RNF217: variants seen among roughly 807,000 people sequenced by gnomAD.
RNF217 encodes ring finger protein 217, also known as E3 ubiquitin-protein ligase RNF217.
In RNF217, 31 loss-of-function variants were observed where a neutral mutation model predicts 57.8. The observed-to-expected ratio is 0.54, with a 90% CI of 0.40 to 0.72. The LOEUF (loss-of-function observed/expected upper bound fraction) is 0.72. Among genes scored for constraint, RNF217 ranks in the 30% least tolerant of loss-of-function variants. RNF217 has a pLI of 0.00. For synonymous variants in RNF217, 313 were observed against 294.0 expected (o/e 1.06, Z -0.66); for missense variants, 696 against 708.3 (o/e 0.98, Z 0.20).
chr6:125,024,825 A>G (rs762365467), intron 1 of RNF217, among the ~76,000 whole-genome samples: 1 of 152,104 alleles, frequency 6.6e-6, no homozygotes, highest in Non-Finnish European at 1.5e-5. Context: ...GAAGACATCA[A>G]GTAGGGAATT....
At chr6:124,975,277 A>G (rs560229303) in intron 1 of RNF217, among the ~76,000 whole-genome samples, 18 of 152,370 alleles carry the variant, frequency 1.2e-4, no homozygotes, top group African/African-American at 4.1e-4. Flanking sequence ...AGCAGGAAAA[A>G]TGAAACAATT....
intron 1 of RNF217, among the ~76,000 whole-genome samples, chr6:125,035,894 T>C (rs1233716804): frequency 6.6e-6 from 1 of 151,898 alleles, no homozygotes; most frequent in Non-Finnish European, 1.5e-5. Flanking sequence ...AGTTTTTTTT[T>C]TCAATTTTAC....
intron 5 of RNF217, 27 bp downstream of exon 5, chr6:125,081,534 T>C (rs1406174350): frequency 1.3e-6 from 2 of 1,565,668 alleles, no homozygotes; most frequent in Non-Finnish European, 1.8e-6. Context: ...GCATCTGAGA[T>C]TAGAATTATC....
chr6:124,988,044 G>A (rs1461624209), intron 1 of RNF217, among the ~76,000 whole-genome samples: 2 of 152,144 alleles, frequency 1.3e-5, no homozygotes, highest in Non-Finnish European at 2.9e-5. Flanking sequence ...GGGTGAGCGA[G>A]CATTACCACC....
At chr6:125,054,768 C>T (rs910138212) in intron 2 of RNF217, among the ~76,000 whole-genome samples, 2 of 152,120 alleles carry the variant, frequency 1.3e-5, no homozygotes, top group African/African-American at 4.8e-5. Context: ...AAATCACCTT[C>T]GGACCTTGTG....
rs1423818615 is a variant in RNF217, at chr6:124,962,793, A to G, written c.249A>G (p.Ala83=). The G allele has an allele frequency of 1.3e-6, 2 of 1,597,040 alleles. No individual in the cohort carries two copies. Among genetic ancestry groups the G allele is most frequent in the South Asian group, 2.2e-5 (2 of 91,024 alleles). Residue 83 remains alanine, a synonymous_variant, in exon 1 of 6, where the codon GCA becomes GCG. Coordinates refer to ENST00000521654, the MANE Select transcript of RNF217 (RefSeq NM_001286398.3). The surrounding 1 kb of genome is among the most constrained non-coding windows in gnomAD (Gnocchi z 4.6). ...CCCCGGGCTGGAGTAAGAGCCGAGC[A>G]CCGGCGCAGCCTGCGGGACTGGCAC... ...LGPPGWSKSR[A]PAQPAGLALT...
At chr6:124,976,191 T>C (rs927528951) in intron 1 of RNF217, among the ~76,000 whole-genome samples, 1 of 152,174 alleles carries the variant, frequency 6.6e-6, no homozygotes, top group Non-Finnish European at 1.5e-5. Context: ...TTTACAAATC[T>C]AAGCCTAGTC....
chr6:125,056,599 T>C (rs1475674795), intron 2 of RNF217, among the ~76,000 whole-genome samples: 1 of 152,176 alleles, frequency 6.6e-6, no homozygotes, highest in African/African-American at 2.4e-5. Flanking sequence ...CTCAGCTAAT[T>C]AGTCTATATA....
chr6:125,023,930 A>G (rs1042149816), intron 1 of RNF217, among the ~76,000 whole-genome samples: 1 of 152,136 alleles, frequency 6.6e-6, no homozygotes, highest in African/African-American at 2.4e-5. Context: ...GCATGGGGGG[A>G]AAAGGACTAA....
At chr6:125,012,064 G>A (rs56411912) in intron 1 of RNF217, among the ~76,000 whole-genome samples, 12,012 of 152,040 alleles carry the variant, frequency 0.079, 1,640 homozygotes, top group African/African-American at 0.28. Context: ...TAGATTAAAT[G>A]AAAGAGATAG....
intron 1 of RNF217, among the ~76,000 whole-genome samples, chr6:125,003,354 A>C (rs906067156): frequency 1.3e-5 from 2 of 152,112 alleles, no homozygotes; most frequent in Non-Finnish European, 2.9e-5. Context: ...AAATCCCAGC[A>C]CTGCTGGTTT....
chr6:125,057,833 T>G, intron 2 of RNF217, 109 bp from the exon 3 acceptor site: 1 of 812,894 alleles, frequency 1.2e-6, no homozygotes, highest in South Asian at 2.2e-5. Flanking sequence ...GAGGGGGAGG[T>G]ATTTTAAATT....
At chr6:125,021,281 T>G (rs1347336169) in intron 1 of RNF217, among the ~76,000 whole-genome samples, 1 of 151,794 alleles carries the variant, frequency 6.6e-6, no homozygotes, top group Non-Finnish European at 1.5e-5. Flanking sequence ...TTTTTTTTTT[T>G]TTTGAGACGG....
chr6:125,065,134 A>C (rs559698776), intron 3 of RNF217, among the ~76,000 whole-genome samples: 10 of 151,764 alleles, frequency 6.6e-5, no homozygotes, highest in African/African-American at 2.4e-4. Flanking sequence ...TAAAAGATAA[A>C]AAAAAAATTA....
At chr6:124,997,726 G>A (rs867950217) in intron 1 of RNF217, among the ~76,000 whole-genome samples, 2 of 152,074 alleles carry the variant, frequency 1.3e-5, no homozygotes, top group Non-Finnish European at 2.9e-5. Flanking sequence ...TAATCTGCTC[G>A]CTCTCTCTAC....
At chr6:124,991,972 A>G (rs534915629) in intron 1 of RNF217, among the ~76,000 whole-genome samples, 1 of 152,288 alleles carries the variant, frequency 6.6e-6, no homozygotes, top group South Asian at 2.1e-4. Context: ...TCATTAGTCC[A>G]TGACTGATAT....
rs192388681 is a variant in RNF217 at position 125,089,538 on chromosome 6, C to T, written c.*6601C>T. Reference sequence around the variant, plus strand: ...TCACATTGAATGTAACTGATATTAACCCTATTCTAGAGAAAACATTTGTCA... The same window carrying T: ...TCACATTGAATGTAACTGATATTAATCCTATTCTAGAGAAAACATTTGTCA... On this transcript the variant is annotated 3_prime_UTR_variant, in exon 6 of 6. Coordinates refer to ENST00000521654, the MANE Select transcript of RNF217 (RefSeq NM_001286398.3). 3.3e-5 allele frequency: 5 copies of T among 152,182 alleles called. No homozygotes were observed. In the East Asian group the frequency reaches 9.6e-4, roughly 29 times the overall value. The allele number at this position is 152,182 out of a possible 1,614,324, so 9.4% of individuals were successfully genotyped here.
chr6:125,000,331 C>T (rs1372277426), intron 1 of RNF217, among the ~76,000 whole-genome samples: 1 of 151,888 alleles, frequency 6.6e-6, no homozygotes, highest in Admixed American at 6.6e-5. Flanking sequence ...AAACAAGACT[C>T]TTTTACTATA....
At chr6:125,041,975 T>C (rs539559048) in intron 1 of RNF217, among the ~76,000 whole-genome samples, 1 of 152,136 alleles carries the variant, frequency 6.6e-6, no homozygotes, top group South Asian at 2.1e-4. Context: ...ATAAAAAACT[T>C]GGCTTTCGAG....
Sources: gnomAD v4.1 joint callset for allele counts (sites outside exome capture counted in the v4.1 genomes callset) on GRCh38, gnomAD v4.1.1 for gene constraint, Gnocchi (gnomAD v3.1) non-coding constraint, MANE v1.5 for transcripts, NCBI Gene and HGNC (gene_info 2026-07-23, HGNC 2026-07-21) for gene names.